SRRM3: variants seen among roughly 807,000 people sequenced by gnomAD.
SRRM3 encodes serine/arginine repetitive matrix 3, also known as serine/arginine repetitive matrix protein 3.
In SRRM3, 27 loss-of-function variants were observed where a neutral mutation model predicts 66.2. The ratio of observed to expected loss-of-function variants is 0.41; its 90% CI spans 0.30 to 0.56. The LOEUF (loss-of-function observed/expected upper bound fraction) is 0.56. Among genes scored for constraint, SRRM3 ranks in the 20% least tolerant of loss-of-function variants. The probability of loss-of-function intolerance (pLI) is 0.32; values close to 1 mark genes in which losing one functional copy is unlikely to be tolerated. For missense variants in SRRM3, 918 were observed against 991.9 expected (o/e 0.93, Z 1.00); for synonymous variants, 391 against 414.9 (o/e 0.94, Z 0.70).
In SRRM3 at chr7:76,250,430, C is replaced by T. The variant is rs183504864; in HGVS notation, c.335+2141C>T. 1.4e-3 allele frequency among the ~76,000 whole-genome samples: 208 copies of T among 152,158 alleles called. 2 individuals are homozygous for T. Among genetic ancestry groups the T allele is most frequent in the African/African-American group, 4.8e-3 (199 of 41,502 alleles). ...TGTATTTTTAGTAGAGATGGGGTTT[C>T]GCCACATTGGCCAGGCTGGTCTCGA... On this transcript the variant is annotated intron_variant, in intron 3 of 14. Coordinates refer to ENST00000611745, the MANE Select transcript of SRRM3 (RefSeq NM_001110199.3).
At chr7:76,271,142 C>G (rs1377663487) in intron 11 of SRRM3, among the ~76,000 whole-genome samples, 2 of 151,750 alleles carry the variant, frequency 1.3e-5, no homozygotes, top group Non-Finnish European at 2.9e-5. Flanking sequence ...GTGACTGGCT[C>G]AAGGTCACAC....
chr7:76,247,708 G>GT (rs1437542066), intron 2 of SRRM3, among the ~76,000 whole-genome samples: 4 of 152,006 alleles, frequency 2.6e-5, no homozygotes, highest in Non-Finnish European at 5.9e-5. Flanking sequence ...GCTGTTGTTT[G>GT]TTTTTTGAGA....
Position 76,267,426 on chromosome 7 carries a change from C to T in SRRM3, c.999C>T (p.Ser333=), listed in dbSNP as rs1554609939. The change falls in exon 11 of 15, where the codon AGC becomes AGT. Residue 333 remains serine (S), a synonymous_variant. Transcript: ENST00000611745. ...AHGGRPGSAH[S]PPDKPSSPSP... ...GGGGCCGCCCCGGCTCGGCGCACAG[C>T]CCGCCCGATGTACGTACGCTTCGCT... is the stretch of plus-strand genomic sequence containing the variant. The T allele has an allele frequency of 7.3e-7, 1 of 1,365,488 alleles. No individual in the cohort carries two copies. The highest frequency in any genetic ancestry group is 9.4e-7 in the Non-Finnish European group (1 of 1,064,584). 84.6% of individuals were successfully genotyped at this position (1,365,488 alleles called of 1,614,324 possible).
Position 76,285,527 on chromosome 7 carries a change from G to A in SRRM3, c.1734-88G>A. The A allele has an allele frequency of 9.0e-7, 1 of 1,106,854 alleles. No homozygotes were observed. Among genetic ancestry groups the A allele is most frequent in the Non-Finnish European group, 1.3e-6 (1 of 767,862 alleles). The allele number at this position is 1,106,854 out of a possible 1,614,324, so 68.6% of individuals were successfully genotyped here. ...CAGGTGTCTCTAAGGCCAGGGCTCA[G>A]GGGAAACTGAGGCAGGAAGCCCTGG... On this transcript the variant is annotated intron_variant, in intron 14 of 14. Transcript: ENST00000611745. The surrounding 1 kb of genome is among the most constrained non-coding windows in gnomAD (Gnocchi z 4.1).
rs782379264 is a variant in SRRM3 at position 76,261,342 on chromosome 7, G to A, written c.576-10G>A. On this transcript the variant is annotated splice_polypyrimidine_tract_variant and intron_variant, in intron 6 of 14. Coordinates refer to ENST00000611745, the MANE Select transcript of SRRM3 (RefSeq NM_001110199.3). ...CCAGCTCACTAGAGCCCACCTCCCT[G>A]TGTCCACAGCTGTGGGAGCTCCTCA... The A allele has an allele frequency of 1.3e-6, 2 of 1,528,744 alleles. No homozygotes were observed. The highest frequency in any genetic ancestry group is 1.7e-6 in the Non-Finnish European group (2 of 1,145,838). The allele number at this position is 1,528,744 out of a possible 1,614,324, so 94.7% of individuals were successfully genotyped here. A position where few individuals can be genotyped will look rare whatever the true frequency, so the allele number is the denominator to read the frequency against.
chr7:76,218,797 G>A (rs1800636032), intron 1 of SRRM3, among the ~76,000 whole-genome samples: 1 of 141,624 alleles, frequency 7.1e-6, no homozygotes, highest in Non-Finnish European at 1.5e-5. Flanking sequence ...TCCTGCCTCA[G>A]CTTCCCAAGT....
chr7:76,282,528 T>G, intron 12 of SRRM3, 120 bp from the exon 13 acceptor site: 1 of 505,486 alleles, frequency 2.0e-6, no homozygotes, highest in Non-Finnish European at 3.1e-6. Flanking sequence ...CCGCGCGAAC[T>G]GACCACAAAC....
intron 2 of SRRM3, among the ~76,000 whole-genome samples, chr7:76,241,262 G>A (rs1206222202): frequency 6.6e-6 from 1 of 152,182 alleles, no homozygotes; most frequent in Non-Finnish European, 1.5e-5. Context: ...ATGGCCCTAG[G>A]CTGGCCGGCT....
chr7:76,254,951 G>A (rs1801670645), intron 3 of SRRM3, among the ~76,000 whole-genome samples: 1 of 151,878 alleles, frequency 6.6e-6, no homozygotes, highest in Admixed American at 6.6e-5. Flanking sequence ...GTACAAGCTG[G>A]GGGATGACAT....
chr7:76,252,747 A>G (rs1455995952), intron 3 of SRRM3, among the ~76,000 whole-genome samples: 4 of 152,224 alleles, frequency 2.6e-5, no homozygotes, highest in Admixed American at 6.5e-5. Flanking sequence ...TTGACATCAT[A>G]GGGAATGTTC....
intron 10 of SRRM3, among the ~76,000 whole-genome samples, chr7:76,266,260 A>ATATATATAAATATTTATATATT (rs1554609605): frequency 2.5e-5 from 3 of 121,712 alleles, no homozygotes; most frequent in African/African-American, 1.0e-4. Flanking sequence ...TATATTTAAT[A>ATATATATAAATATTTATATATT]TATTTATATT....
At chr7:76,229,146 C>T (rs1226876599) in intron 1 of SRRM3, among the ~76,000 whole-genome samples, 1 of 152,054 alleles carries the variant, frequency 6.6e-6, no homozygotes, top group Non-Finnish European at 1.5e-5. Flanking sequence ...GATCCACCTG[C>T]CTTGTCCTCC....
intron 1 of SRRM3, among the ~76,000 whole-genome samples, chr7:76,218,674 C>CTTTTTTTTTT (rs11349335): frequency 1.2e-3 from 90 of 76,290 alleles, no homozygotes; most frequent in Admixed American, 2.4e-3. Context: ...GCTTTCTTTT[C>CTTTTTTTTTT]TTTTTTTTTT....
intron 3 of SRRM3, among the ~76,000 whole-genome samples, chr7:76,249,278 CAG>C (rs1383664738): frequency 2.6e-5 from 4 of 151,748 alleles, no homozygotes; most frequent in African/African-American, 9.7e-5. Context: ...CCCAGCTACT[CAG>C]GGAGCTGAGA....
intron 3 of SRRM3, among the ~76,000 whole-genome samples, chr7:76,258,371 G>T (rs1161198320): frequency 6.6e-6 from 1 of 152,178 alleles, no homozygotes; most frequent in Non-Finnish European, 1.5e-5. Flanking sequence ...ACATCATTGA[G>T]CCAGGGCTCG....
intron 11 of SRRM3, among the ~76,000 whole-genome samples, chr7:76,278,130 G>C (rs782276929): frequency 2.1e-4 from 32 of 152,170 alleles, no homozygotes; most frequent in Non-Finnish European, 4.3e-4. Context: ...CTCCTGGAGT[G>C]GGGGGAGTAT....
chr7:76,258,872 C>T (rs1801786505), intron 3 of SRRM3, among the ~76,000 whole-genome samples: 1 of 151,290 alleles, frequency 6.6e-6, no homozygotes, highest in Non-Finnish European at 1.5e-5. Context: ...GCCTGACTAA[C>T]ATGGAGAAAC....
chr7:76,275,497 C>CAAAAAAAAAAAAA (rs35985626), intron 11 of SRRM3, among the ~76,000 whole-genome samples: 3 of 70,912 alleles, frequency 4.2e-5, no homozygotes, highest in South Asian at 4.7e-4. Context: ...CCTGCTCCCT[C>CAAAAAAAAAAAAA]AAAAAAAAAA....
intron 2 of SRRM3, among the ~76,000 whole-genome samples, chr7:76,244,294 G>A (rs1267288055): frequency 1.3e-5 from 2 of 152,090 alleles, no homozygotes; most frequent in African/African-American, 4.8e-5. Flanking sequence ...GGAGGCCGAG[G>A]TGGGTGGATC....
Sources: allele counts gnomAD v4.1 joint callset (sites outside exome capture counted in the v4.1 genomes callset), GRCh38; gene constraint gnomAD v4.1.1; non-coding constraint Gnocchi (gnomAD v3.1); transcripts MANE v1.5; gene names NCBI Gene and HGNC (gene_info 2026-07-23, HGNC 2026-07-21).